The following ZNF367 variants were observed in gnomAD, a reference collection of about 807,000 sequenced individuals.
ZNF367 encodes the protein C2H2 zinc finger protein ZFF29.
In ZNF367, 11 loss-of-function variants were observed where a neutral mutation model predicts 31.8. The ratio of observed to expected loss-of-function variants is 0.35; its 90% CI spans 0.22 to 0.57. ZNF367 has a LOEUF of 0.57. Among genes scored for constraint, ZNF367 ranks in the 20% least tolerant of loss-of-function variants. The probability of loss-of-function intolerance (pLI) is 0.85; values close to 1 mark genes in which losing one functional copy is unlikely to be tolerated. For missense variants in ZNF367, 353 were observed against 484.1 expected (o/e 0.73, Z 2.54); for synonymous variants, 199 against 202.4 (o/e 0.98, Z 0.14).
intron 1 of ZNF367, among the ~76,000 whole-genome samples, chr9:96,405,336 A>T (rs949904653): frequency 6.6e-6 from 1 of 151,726 alleles, no homozygotes; most frequent in Non-Finnish European, 1.5e-5. Context: ...AAAAAAAAAA[A>T]ATCCTCAAAA....
chr9:96,389,464 AACT>A, intron 4 of ZNF367, among the ~76,000 whole-genome samples: 1 of 152,080 alleles, frequency 6.6e-6, no homozygotes, highest in East Asian at 1.9e-4. Context: ...ATTTGTATAA[AACT>A]ACTATTTTAT....
Position 96,387,505 on chromosome 9 carries a change from A to G in ZNF367, c.*732T>C, listed in dbSNP as rs367910549. The G allele has an allele frequency of 3.3e-5, 5 of 152,232 alleles. No homozygotes were observed. Among genetic ancestry groups the G allele is most frequent in the African/African-American group, 1.2e-4 (5 of 41,476 alleles). 9.4% of individuals were successfully genotyped at this position (152,232 alleles called of 1,614,324 possible). A position where few individuals can be genotyped will look rare whatever the true frequency, so the allele number is the denominator to read the frequency against. On this transcript the variant is annotated 3_prime_UTR_variant, in exon 5 of 5. Coordinates refer to ENST00000375256, the MANE Select transcript of ZNF367 (RefSeq NM_153695.4). ...CACTCAATTTCAGCAAATGAGAAAT[A>G]TGAAATGTGCAAAAGTTCCCAAGTT... is the stretch of plus-strand genomic sequence containing the variant.
chr9:96,406,793 G>T (rs1831675724), intron 1 of ZNF367, among the ~76,000 whole-genome samples: 1 of 150,994 alleles, frequency 6.6e-6, no homozygotes, highest in African/African-American at 2.4e-5. Flanking sequence ...GAGGTCAACA[G>T]ATTGAGACCA....
chr9:96,388,748 G>A (rs35478606), intron 4 of ZNF367, among the ~76,000 whole-genome samples: 3,858 of 152,316 alleles, frequency 0.025, 72 homozygotes, highest in Middle Eastern at 0.054. Context: ...GAGCCTGTGT[G>A]AAATGGACTT....
At position 96,409,798 on chromosome 9, in the gene ZNF367, TG is replaced by T. The variant is rs1370975997; in HGVS notation, c.420+7814del. 9.9e-5 allele frequency among the ~76,000 whole-genome samples: 15 copies of T among 152,242 alleles called. 1 individual carries two copies. Among genetic ancestry groups the T allele is most frequent in the African/African-American group, 3.6e-4 (15 of 41,528 alleles). On this transcript the variant is annotated intron_variant, in intron 1 of 4. Coordinates refer to ENST00000375256, the MANE Select transcript of ZNF367 (RefSeq NM_153695.4). ...TCAGACAGAAGGAGCTACACAGGAG[TG>T]AAATCTTCATTGCCATCATTTATTA...
intron 1 of ZNF367, among the ~76,000 whole-genome samples, chr9:96,409,306 C>T (rs1462528981): frequency 1.3e-5 from 2 of 152,290 alleles, no homozygotes; most frequent in African/African-American, 2.4e-5. Context: ...ATACAACATA[C>T]GGTTCTACCA....
intron 1 of ZNF367, among the ~76,000 whole-genome samples, chr9:96,404,751 TA>T (rs1386077757): frequency 2.0e-5 from 3 of 152,084 alleles, no homozygotes; most frequent in African/African-American, 7.2e-5. Flanking sequence ...AACAAAAGAA[TA>T]AATTGGACTG....
Position 96,387,895 on chromosome 9 carries a change from T to A in ZNF367, c.*342A>T, listed in dbSNP as rs371418875. 50 of 237,142 alleles carry A rather than the reference T, an allele frequency of 2.1e-4. No individual in the cohort carries two copies. Among genetic ancestry groups the A allele is most frequent in the African/African-American group, 1.1e-3 (49 of 44,604 alleles). 14.7% of individuals were successfully genotyped at this position (237,142 alleles called of 1,614,324 possible). On this transcript the variant is annotated 3_prime_UTR_variant, in exon 5 of 5. Coordinates refer to ENST00000375256, the MANE Select transcript of ZNF367 (RefSeq NM_153695.4). ...TTCTTTGGCTATTTGTACCATTCTG[T>A]TTTTCAAACAAGTGTCTTATTCAGA...
Position 96,418,278 on chromosome 9 carries a change from G to A in ZNF367, c.-246C>T. The A allele has an allele frequency of 2.1e-6, 1 of 477,862 alleles. No homozygotes were observed. 29.6% of individuals were successfully genotyped at this position (477,862 alleles called of 1,614,324 possible). A position where few individuals can be genotyped will look rare whatever the true frequency, so the allele number is the denominator to read the frequency against. On this transcript the variant is annotated 5_prime_UTR_variant, in exon 1 of 5. Transcript: ENST00000375256. ...TGTACTCCGCAGCGCAGGCTGCAGGGGTGGGAAGCAGCGGGCGGCCCGGCC... is the reference window on the plus strand; with the variant it reads ...TGTACTCCGCAGCGCAGGCTGCAGGAGTGGGAAGCAGCGGGCGGCCCGGCC...
chr9:96,393,847 A>C (rs1260898432), intron 3 of ZNF367, among the ~76,000 whole-genome samples: 1 of 152,216 alleles, frequency 6.6e-6, no homozygotes, highest in Non-Finnish European at 1.5e-5. Flanking sequence ...ATAAATAAAC[A>C]AATATTCATT....
At chr9:96,388,513 T>A in intron 4 of ZNF367, 54 bp from the exon 5 acceptor site, 1 of 1,500,848 alleles carries the variant, frequency 6.7e-7, no homozygotes, top group Middle Eastern at 1.8e-4. Flanking sequence ...TTTCCAAATG[T>A]TTACTTTTCT....
At position 96,386,723 on chromosome 9, in the gene ZNF367, A is replaced by AT; in HGVS notation, c.*1513dup. ...TCATACTTTTTCTCCTCTTCAAGAC[A>AT]TTTACATGCCTCCCCTTCCCCGTGG... On this transcript the variant is annotated 3_prime_UTR_variant, in exon 5 of 5. Transcript: ENST00000375256. The AT allele has an allele frequency of 6.6e-6, 1 of 152,252 alleles. No homozygotes were observed. Among genetic ancestry groups the AT allele is most frequent in the Middle Eastern group, 3.4e-3 (1 of 294 alleles). The allele number at this position is 152,252 out of a possible 1,614,324, so 9.4% of individuals were successfully genotyped here.
At chr9:96,393,527 TAAAAAATA>T (rs1831496242) in intron 3 of ZNF367, among the ~76,000 whole-genome samples, 1 of 140,840 alleles carries the variant, frequency 7.1e-6, no homozygotes, top group South Asian at 2.2e-4. Flanking sequence ...CTCAAAACAA[TAAAAAATA>T]AATAAATAAA....
At chr9:96,401,657 C>CAAA (rs35400858) in intron 1 of ZNF367, among the ~76,000 whole-genome samples, 9 of 77,198 alleles carry the variant, frequency 1.2e-4, no homozygotes, top group African/African-American at 3.5e-4. Context: ...AGCTCCGTCT[C>CAAA]AAAAAAAAAA....
At chr9:96,411,295 C>G (rs1831745947) in intron 1 of ZNF367, among the ~76,000 whole-genome samples, 1 of 152,148 alleles carries the variant, frequency 6.6e-6, no homozygotes, top group Admixed American at 6.5e-5. Context: ...TGCCTGTAAT[C>G]CCACTGCTTG....
At position 96,388,082 on chromosome 9, in the gene ZNF367, T is replaced by C; in HGVS notation, c.*155A>G. On this transcript the variant is annotated 3_prime_UTR_variant, in exon 5 of 5. Transcript: ENST00000375256. ...TCCATATTAAAAAAGTGCAGTTCTC[T>C]CTCACCCCATATTCTGGGGCAATAA... 1 of 698,462 alleles carries C rather than the reference T, an allele frequency of 1.4e-6. No individual in the cohort carries two copies. The highest frequency in any genetic ancestry group is 2.3e-6 in the Non-Finnish European group (1 of 428,984). 43.3% of individuals were successfully genotyped at this position (698,462 alleles called of 1,614,324 possible). A position where few individuals can be genotyped will look rare whatever the true frequency, so the allele number is the denominator to read the frequency against.
At position 96,396,278 on chromosome 9, in the gene ZNF367, C is replaced by G. The variant is rs150467743; in HGVS notation, c.572-1336G>C. On this transcript the variant is annotated intron_variant, in intron 2 of 4. Transcript: ENST00000375256. ...ACTCTACGGCCTACAAACCAGTTATCCAGGGGATATTTTAGAATATTTAGA... is the reference window on the plus strand; with the variant it reads ...ACTCTACGGCCTACAAACCAGTTATGCAGGGGATATTTTAGAATATTTAGA... Among the ~76,000 whole-genome samples, 14 of 151,950 alleles carry G rather than the reference C, an allele frequency of 9.2e-5. No individual in the cohort carries two copies. In the East Asian group the frequency reaches 2.5e-3, roughly 27 times the overall value.
Position 96,392,478 on chromosome 9 carries a change from C to T in ZNF367, c.750G>A (p.Arg250=), listed in dbSNP as rs768988149. 1.2e-6 allele frequency: 2 copies of T among 1,613,972 alleles called. No homozygotes were observed. The highest frequency in any genetic ancestry group is 1.7e-6 in the Non-Finnish European group (2 of 1,179,872). ...NRHCPKHPYA[R]LKREEPTDTL... ...TGTCCGTGGGCTCCTCTCTCTTCAG[C>T]CTGGCGTAGGGGTGCTTCGGACAGT... Residue 250 remains arginine (R), a synonymous_variant, in exon 4 of 5, where the codon AGG becomes AGA. Transcript: ENST00000375256.
chr9:96,416,072 GTTTT>G (rs796791097), intron 1 of ZNF367, among the ~76,000 whole-genome samples: 1 of 139,538 alleles, frequency 7.2e-6, no homozygotes, highest in Non-Finnish European at 1.6e-5. Context: ...CTCTGTTATG[GTTTT>G]TTTTTTTGTT....
Sources: gnomAD v4.1 joint callset for allele counts (sites outside exome capture counted in the v4.1 genomes callset) on GRCh38, gnomAD v4.1.1 for gene constraint, MANE v1.5 for transcripts, NCBI Gene and HGNC (gene_info 2026-07-23, HGNC 2026-07-21) for gene names.